The following ZZEF1 variants were observed in gnomAD, a reference collection of about 807,000 sequenced individuals.
ZZEF1 encodes the protein zinc finger ZZ-type and EF-hand domain containing 1, also known as zinc finger ZZ-type and EF-hand domain-containing protein 1.
Under a neutral mutation model 342.8 loss-of-function variants are expected in ZZEF1, and 157 were observed. The observed-to-expected ratio is 0.46, with a 90% confidence interval of 0.40 to 0.52. The LOEUF (loss-of-function observed/expected upper bound fraction) is 0.52. Among genes scored for constraint, ZZEF1 ranks in the 20% least tolerant of loss-of-function variants. ZZEF1 has a pLI of 0.00. For missense variants in ZZEF1, 3,480 were observed against 3,725.6 expected (o/e 0.93, Z 1.72); for synonymous variants, 1,505 against 1,429.1 (o/e 1.05, Z -1.20).
chr17:4,112,957 T>A (rs1175577444), intron 4 of ZZEF1, 149 bp from the exon 5 acceptor site: 1 of 650,090 alleles, frequency 1.5e-6, no homozygotes, highest in Non-Finnish European at 2.5e-6. Context: ...GGCTATGAGT[T>A]TCAAAGTCCT....
In ZZEF1 at chr17:4,112,074, ATATATATATATATATATATGTTT is replaced by A. The variant is rs1393848436; in HGVS notation, c.1066+512_1066+534del. The stretch of plus-strand genomic sequence containing the variant: ...TATATATATATATATATATATATAT[ATATATATATATATATATATGTTT>A]TGTTTTGTTTTTAATGAAAAAAATG... On this transcript the variant is annotated intron_variant, in intron 5 of 54. Transcript: ENST00000381638. Among the ~76,000 whole-genome samples the A allele has an allele frequency of 1.4e-3, 65 of 46,128 alleles. 2 individuals are homozygous for A. The highest frequency in any genetic ancestry group is 1.8e-3 in the South Asian group (3 of 1,662). 30.3% of individuals were successfully genotyped at this position (46,128 alleles called of 152,430 possible). A position where few individuals can be genotyped will look rare whatever the true frequency, so the allele number is the denominator to read the frequency against.
rs369048656 is a variant in ZZEF1, at chr17:4,006,998, A to G, written c.8806-28T>C. The G allele has an allele frequency of 1.9e-4, 300 of 1,552,256 alleles. 1 individual carries two copies. The highest frequency in any genetic ancestry group is 2.5e-4 in the Non-Finnish European group (282 of 1,146,398). On this transcript the variant is annotated intron_variant, in intron 54 of 54. Transcript: ENST00000381638. ...GTAGAGGGAAAAAGAGTTGTCGCCA[A>G]TGTCGGGAGCCACTCCCTCATTCAG...
At chr17:4,081,718 C>A (rs2057727302) in intron 17 of ZZEF1, among the ~76,000 whole-genome samples, 1 of 152,146 alleles carries the variant, frequency 6.6e-6, no homozygotes, top group Non-Finnish European at 1.5e-5. Flanking sequence ...CTGGATGAGA[C>A]CCTGAGGTAG....
intron 1 of ZZEF1, 146 bp downstream of exon 1, chr17:4,142,396 G>A: frequency 1.1e-6 from 1 of 871,314 alleles, no homozygotes; most frequent in East Asian, 2.8e-5. Context: ...AGGTTAAAGA[G>A]AAACGAAGCA....
chr17:4,081,057 G>A (rs1241950112), intron 18 of ZZEF1, among the ~76,000 whole-genome samples: 1 of 151,958 alleles, frequency 6.6e-6, no homozygotes, highest in Non-Finnish European at 1.5e-5. Context: ...GGCAACATAA[G>A]AGAGACTCCA....
Position 4,006,088 on chromosome 17 carries a change from C to G in ZZEF1, c.*802G>C, listed in dbSNP as rs561733712. On this transcript the variant is annotated 3_prime_UTR_variant, in exon 55 of 55. Coordinates refer to ENST00000381638, the MANE Select transcript of ZZEF1 (RefSeq NM_015113.4). The stretch of plus-strand genomic sequence containing the variant: ...ATCATCTTCACGGTACATAAGCTCA[C>G]GCGTGCTCCTCACATTCTGCTCCTT... 6.6e-6 allele frequency: 1 copy of G among 152,414 alleles called. No homozygotes were observed. The highest frequency in any genetic ancestry group is 2.4e-5 in the African/African-American group (1 of 41,460). The allele number at this position is 152,414 out of a possible 1,614,324, so 9.4% of individuals were successfully genotyped here.
chr17:4,076,702 C>G lies in ZZEF1; in HGVS notation c.3169G>C (p.Glu1057Gln). 6.2e-7 allele frequency: 1 copy of G among 1,613,462 alleles called. No individual in the cohort carries two copies. Among genetic ancestry groups the G allele is most frequent in the African/African-American group, 1.3e-5 (1 of 75,054 alleles). The stretch of plus-strand genomic sequence containing the variant: ...AGGAGTTCTGTGAGGACGCTGAACT[C>G]TCTCAAGAGCACGCAGTGTGGGATG... ...LDIPHCVLLR[E>Q]FSVLTELLKK... The change falls in exon 21 of 55, where the codon GAG becomes CAG. Residue 1057 changes from glutamate to glutamine, a missense_variant. By Grantham distance (29) the Glu-to-Gln change is conservative. Around this residue, in one of 5 missense-constraint regions of ZZEF1, gnomAD observed 1,528 missense variants for 1,624.1 expected, o/e 0.94. Coordinates refer to ENST00000381638, the MANE Select transcript of ZZEF1 (RefSeq NM_015113.4).
intron 52 of ZZEF1, among the ~76,000 whole-genome samples, chr17:4,012,072 C>T (rs936124106): frequency 6.6e-6 from 1 of 152,230 alleles, no homozygotes; most frequent in Non-Finnish European, 1.5e-5. Flanking sequence ...AGAAGGTTGC[C>T]AATGGCCAGC....
intron 23 of ZZEF1, among the ~76,000 whole-genome samples, chr17:4,074,741 T>C (rs1177506795): frequency 6.6e-6 from 1 of 152,228 alleles, no homozygotes; most frequent in Non-Finnish European, 1.5e-5. Context: ...AGGCAGACTC[T>C]TGGCTTCCAT....
intron 2 of ZZEF1, among the ~76,000 whole-genome samples, chr17:4,123,085 A>G (rs1239516601): frequency 6.6e-6 from 1 of 151,124 alleles, no homozygotes. Flanking sequence ...ATGCCCGGAT[A>G]ATTTTTTTGT....
At chr17:4,020,072 G>A (rs4790552) in intron 45 of ZZEF1, 51,622 of 264,898 alleles carry the variant, frequency 0.19, 5,318 homozygotes, top group East Asian at 0.3. Context: ...CACGGCTAGC[G>A]TCTCTATAAC....
chr17:4,010,736 G>A (rs3047759), intron 52 of ZZEF1, among the ~76,000 whole-genome samples: 1,948 of 33,246 alleles, frequency 0.059, 69 homozygotes, highest in African/African-American at 0.16. Flanking sequence ...AAAAAAAAAA[G>A]AAAAAGAAAA....
chr17:4,072,113 A>G (rs1181800039), intron 25 of ZZEF1, among the ~76,000 whole-genome samples: 2 of 152,136 alleles, frequency 1.3e-5, no homozygotes, highest in African/African-American at 2.4e-5. Context: ...GGATTTGGCA[A>G]TTAACTACTG....
intron 15 of ZZEF1, 72 bp from the exon 16 acceptor site, chr17:4,085,875 C>G: frequency 1.3e-6 from 2 of 1,570,820 alleles, no homozygotes; most frequent in African/African-American, 2.7e-5. Flanking sequence ...TATAACTAGC[C>G]TATAAATTCA....
intron 18 of ZZEF1, among the ~76,000 whole-genome samples, chr17:4,080,688 T>C (rs1262052141): frequency 6.6e-6 from 1 of 152,022 alleles, no homozygotes; most frequent in African/African-American, 2.4e-5. Flanking sequence ...CTGTGACCGG[T>C]CCTGAATTTC....
intron 40 of ZZEF1, 83 bp from the exon 41 acceptor site, chr17:4,033,085 C>A: frequency 7.4e-7 from 1 of 1,357,392 alleles, no homozygotes. Flanking sequence ...CAAGGCAGAC[C>A]CAGAAGCCTT....
Position 4,019,652 on chromosome 17 carries a change from A to T in ZZEF1, c.7505+17T>A. 1 of 1,605,398 alleles carries T rather than the reference A, an allele frequency of 6.2e-7. No homozygotes were observed. The highest frequency in any genetic ancestry group is 2.2e-5 in the East Asian group (1 of 44,528). On this transcript the variant is annotated intron_variant, in intron 46 of 54. Coordinates refer to ENST00000381638, the MANE Select transcript of ZZEF1 (RefSeq NM_015113.4). The stretch of plus-strand genomic sequence containing the variant: ...CTCTCCCTGGCCACACTTCAGCTGC[A>T]CGGAAATGTCCCTTACCTCTTCTGA...
At chr17:4,124,328 C>G (rs1203850246) in intron 1 of ZZEF1, among the ~76,000 whole-genome samples, 2 of 152,134 alleles carry the variant, frequency 1.3e-5, no homozygotes, top group South Asian at 2.1e-4. Context: ...TAGTAAGTCT[C>G]CTCCCCACTA....
chr17:4,062,988 C>G (rs1236016930), intron 29 of ZZEF1, 71 bp from the exon 30 acceptor site: 2 of 1,480,044 alleles, frequency 1.4e-6, no homozygotes, highest in Non-Finnish European at 1.8e-6. Context: ...ATATCCCCGC[C>G]AAAGCCCTGA....
Sources: gnomAD v4.1 joint callset for allele counts (sites outside exome capture counted in the v4.1 genomes callset) on GRCh38, gnomAD v4.1.1 for gene constraint, gnomAD v4.1.1 regional missense constraint, MANE v1.5 for transcripts, NCBI Gene and HGNC (gene_info 2026-07-23, HGNC 2026-07-21) for gene names.